LRRC37B: variants seen among roughly 807,000 people sequenced by gnomAD.
The protein encoded by LRRC37B is leucine rich repeat containing 37B, also known as leucine-rich repeat-containing protein 37B.
In LRRC37B, 28 loss-of-function variants were observed where a neutral mutation model predicts 98.3. That is an observed-to-expected ratio of 0.28 (90% CI 0.21 to 0.39). The LOEUF is 0.39. Among genes scored for constraint, LRRC37B ranks in the 10% least tolerant of loss-of-function variants. The pLI, the probability that LRRC37B is intolerant of heterozygous loss-of-function variation, is 1.00. For missense variants in LRRC37B, 938 were observed against 1,182.7 expected, an observed-to-expected ratio of 0.79 and a Z score of 3.03; for synonymous variants, 364 against 442.7, an observed-to-expected ratio of 0.82 and a Z score of 2.23.
intron 7 of LRRC37B, among the ~76,000 whole-genome samples, chr17:32,036,645 A>C (rs1451554673): frequency 5.3e-5 from 8 of 152,310 alleles, no homozygotes; most frequent in South Asian, 2.1e-4. Context: ...GCAGACACCG[A>C]GGGACAACTC....
chr17:32,034,860 G>A (rs200866625), intron 5 of LRRC37B, 50 bp from the exon 9 acceptor site: 1 of 1,388,134 alleles, frequency 7.2e-7, no homozygotes, highest in African/African-American at 1.4e-5. Flanking sequence ...TTTTTATGCA[G>A]TTTCACACAT....
At chr17:32,050,050 C>T (rs765087520) in exon 11 of LRRC37B, 30 of 1,590,970 alleles carry the variant, frequency 1.9e-5, no homozygotes, top group Middle Eastern at 1.7e-4. Context: ...AACTCATCTT[C>T]GCAATATCTG....
At chr17:32,047,512 C>T (rs1181853553) in intron 8 of LRRC37B, 4 of 515,756 alleles carry the variant, frequency 7.8e-6, no homozygotes, top group Non-Finnish European at 1.0e-5. Flanking sequence ...TGGGGATCAA[C>T]GGAATAATCC....
chr17:32,021,300 T>C, exon 1 of LRRC37B: 1 of 1,613,302 alleles, frequency 6.2e-7, no homozygotes. Context: ...GTCTTCCCGC[T>C]CCTCCCATCT....
At chr17:32,026,715 CACCAG>C (rs1329369302) in intron 2 of LRRC37B, among the ~76,000 whole-genome samples, 1 of 152,164 alleles carries the variant, frequency 6.6e-6, no homozygotes, top group Non-Finnish European at 1.5e-5. Context: ...AGGCATGAGC[CACCAG>C]GCCAGGCCAG....
chr17:32,038,752 G>A (rs1439979567), intron 7 of LRRC37B, among the ~76,000 whole-genome samples: 1 of 152,118 alleles, frequency 6.6e-6, no homozygotes, highest in Non-Finnish European at 1.5e-5. Flanking sequence ...CGGCTACTCA[G>A]GAGGCTGAGG....
exon 12 of LRRC37B, chr17:32,053,331 A>G: frequency 6.2e-7 from 1 of 1,603,338 alleles, no homozygotes; most frequent in Non-Finnish European, 8.5e-7. Flanking sequence ...GAGCCTGAGC[A>G]TGAGTTAAAG....
intron 3 of LRRC37B, among the ~76,000 whole-genome samples, 198 bp from the exon 7 acceptor site, chr17:32,030,458 T>C (rs149065689): frequency 0.014 from 2,094 of 150,634 alleles, 53 homozygotes; most frequent in African/African-American, 0.046. Flanking sequence ...GTATATTTTG[T>C]TTATTAAAAG....
intron 7 of LRRC37B, among the ~76,000 whole-genome samples, chr17:32,039,592 T>TTA (rs1351589954): frequency 2.3e-5 from 3 of 130,536 alleles, no homozygotes; most frequent in Non-Finnish European, 4.7e-5. Flanking sequence ...TTTTATATAT[T>TTA]TATATATATT....
upstream of LRRC37B, among the ~76,000 whole-genome samples, chr17:32,018,549 G>C (rs1226376721): frequency 6.6e-6 from 1 of 152,128 alleles, no homozygotes; most frequent in Non-Finnish European, 1.5e-5. Flanking sequence ...ACTGAGGACT[G>C]TATTACTACA....
intron 10 of LRRC37B, among the ~76,000 whole-genome samples, chr17:32,049,649 T>C (rs1048390554): frequency 1.3e-5 from 2 of 152,096 alleles, no homozygotes; most frequent in Non-Finnish European, 1.5e-5. Flanking sequence ...GGTGGATCAC[T>C]TGAGGTCAGG....
rs574855622 is a variant in LRRC37B at position 32,023,424 on chromosome 17, G to A, written c.1760+599G>A. 1.4e-4 allele frequency among the ~76,000 whole-genome samples: 22 copies of A among 152,236 alleles called. No homozygotes were observed. In the Middle Eastern group the frequency reaches 0.01, roughly 71 times the overall value. On this transcript the variant is annotated intron_variant, in intron 1 of 11. Transcript: ENST00000327564. ...AGGCGTGAGCCACCGCGCCTGGCCC[G>A]CTTCACCCTCTTTACAGCAGCCTGT...
chr17:32,038,374 G>T (rs1911312776), intron 7 of LRRC37B, among the ~76,000 whole-genome samples: 1 of 152,064 alleles, frequency 6.6e-6, no homozygotes, highest in Admixed American at 6.6e-5. Context: ...TGGGAGGATT[G>T]CTTGAGCCTG....
At chr17:32,023,120 C>CTTTT (rs1224317741) in intron 1 of LRRC37B, among the ~76,000 whole-genome samples, 3 of 133,090 alleles carry the variant, frequency 2.3e-5, no homozygotes, top group African/African-American at 8.2e-5. Context: ...GCTTCACCCT[C>CTTTT]TTTTTTTTTT....
intron 3 of LRRC37B, chr17:32,028,905 A>G (rs1911032819): frequency 1.3e-5 from 2 of 150,874 alleles, no homozygotes; most frequent in South Asian, 2.1e-4. Context: ...CCAAAGTGCT[A>G]CAGAGGCCAT....
intron 7 of LRRC37B, among the ~76,000 whole-genome samples, chr17:32,038,807 A>C (rs1290128085): frequency 6.6e-6 from 1 of 151,624 alleles, no homozygotes; most frequent in African/African-American, 2.4e-5. Context: ...GCAATGAGCC[A>C]AGATTGCACC....
At chr17:32,018,775 A>G (rs765675596), upstream of LRRC37B, among the ~76,000 whole-genome samples, 1 of 152,200 alleles carries the variant, frequency 6.6e-6, no homozygotes, top group South Asian at 2.1e-4. Context: ...TCTCCCGTAT[A>G]CCTTGGGTGG....
At position 32,024,878 on chromosome 17, in the gene LRRC37B, A is replaced by G. The variant is rs570291170; in HGVS notation, c.1832+96A>G. 6.7e-5 allele frequency: 100 copies of G among 1,491,438 alleles called. 1 individual carries two copies. Among genetic ancestry groups the G allele is most frequent in the East Asian group, 2.3e-4 (10 of 43,664 alleles). 92.4% of individuals were successfully genotyped at this position (1,491,438 alleles called of 1,614,324 possible). ...GAGGTCCATACCTCTGAGAAAAGAT[A>G]TTTCCCCTCCATACCCCAAATCAGC... On this transcript the variant is annotated intron_variant, in intron 2 of 11. Transcript: ENST00000327564.
At chr17:32,021,970 T>C in exon 1 of LRRC37B, 1 of 1,613,990 alleles carries the variant, frequency 6.2e-7, no homozygotes, top group Non-Finnish European at 8.5e-7. Context: ...CTTGAAGACA[T>C]CCAGTCCTCT....
Sources: gnomAD v4.1 joint callset for allele counts (sites outside exome capture counted in the v4.1 genomes callset) on GRCh38, gnomAD v4.1.1 for gene constraint, MANE v1.5 for transcripts, NCBI Gene and HGNC (gene_info 2026-07-23, HGNC 2026-07-21) for gene names.